VPS41: variants seen among roughly 807,000 people sequenced by gnomAD.
VPS41 encodes the protein vacuolar protein sorting-associated protein 41 homolog.
Under a neutral mutation model 130.9 loss-of-function variants are expected in VPS41, and 85 were observed. That is an observed-to-expected ratio of 0.65 (90% CI 0.55 to 0.78). The LOEUF (loss-of-function observed/expected upper bound fraction) is 0.78. VPS41 is among the 30% of genes least tolerant of loss of function. VPS41 has a pLI of 0.00. For synonymous variants in VPS41, 335 were observed against 332.9 expected, an observed-to-expected ratio of 1.01 and a Z score of -0.07; for missense variants, 874 against 1,018.7, an observed-to-expected ratio of 0.86 and a Z score of 1.93.
intron 27 of VPS41, among the ~76,000 whole-genome samples, chr7:38,727,559 T>G (rs961395090): frequency 6.6e-6 from 1 of 152,188 alleles, no homozygotes; most frequent in Non-Finnish European, 1.5e-5. Flanking sequence ...AGAGTGGGAA[T>G]GTATGTGGTT....
At chr7:38,810,491 ATC>A (rs1784923053) in intron 7 of VPS41, among the ~76,000 whole-genome samples, 1 of 152,202 alleles carries the variant, frequency 6.6e-6, no homozygotes, top group Admixed American at 6.5e-5. Context: ...ATTAATAGAC[ATC>A]TCTCTCAAAT....
At chr7:38,852,091 G>A (rs937356570) in intron 4 of VPS41, among the ~76,000 whole-genome samples, 2 of 152,154 alleles carry the variant, frequency 1.3e-5, no homozygotes, top group Non-Finnish European at 2.9e-5. Context: ...AAAGTTGTGC[G>A]TTTTCAGTTG....
At chr7:38,734,979 T>A (rs1406796338) in intron 25 of VPS41, among the ~76,000 whole-genome samples, 1 of 152,178 alleles carries the variant, frequency 6.6e-6, no homozygotes, top group African/African-American at 2.4e-5. Flanking sequence ...AATGATGAAC[T>A]GCAGAGAAAT....
intron 12 of VPS41, 40 bp from the exon 13 acceptor site, chr7:38,772,677 C>G: frequency 1.4e-6 from 2 of 1,439,400 alleles, no homozygotes; most frequent in African/African-American, 1.4e-5. Context: ...GGTGACTGAA[C>G]AGCAGAAAAC....
chr7:38,836,269 T>C (rs1376425417), intron 4 of VPS41, among the ~76,000 whole-genome samples: 1 of 152,054 alleles, frequency 6.6e-6, no homozygotes, highest in Non-Finnish European at 1.5e-5. Flanking sequence ...TTTAAATTAT[T>C]ATAAATTATA....
intron 7 of VPS41, among the ~76,000 whole-genome samples, chr7:38,799,794 G>C (rs1784690425): frequency 6.6e-6 from 1 of 152,068 alleles, no homozygotes; most frequent in Admixed American, 6.5e-5. Flanking sequence ...CAGACAGATA[G>C]TAAAACATTT....
At chr7:38,875,597 G>A (rs548988317) in intron 2 of VPS41, among the ~76,000 whole-genome samples, 7 of 152,244 alleles carry the variant, frequency 4.6e-5, no homozygotes, top group East Asian at 1.9e-4. Flanking sequence ...GTGTCAAAAC[G>A]TATCAAGAAA....
intron 2 of VPS41, among the ~76,000 whole-genome samples, chr7:38,889,559 CAA>C (rs200201294): frequency 0.12 from 14,947 of 120,100 alleles, 1,020 homozygotes; most frequent in Non-Finnish European, 0.18. Flanking sequence ...CAAAACAAAA[CAA>C]AAAAAAAAAA....
At chr7:38,791,543 G>T (rs1182138716) in intron 9 of VPS41, among the ~76,000 whole-genome samples, 3 of 152,136 alleles carry the variant, frequency 2.0e-5, no homozygotes, top group Non-Finnish European at 4.4e-5. Context: ...CAGAGCAGGG[G>T]CATCTCCTGC....
chr7:38,909,183 G>A lies in VPS41; in HGVS notation c.-9C>T, dbSNP rs1405706834. On this transcript the variant is annotated 5_prime_UTR_variant, in exon 1 of 29. Coordinates refer to ENST00000310301, the MANE Select transcript of VPS41 (RefSeq NM_014396.4). ...TCCTCTGCTTCCGCCATGGCGCCAC[G>A]GGAGAGTCACCTGACAGACCCGGAA... 6.2e-7 allele frequency: 1 copy of A among 1,614,058 alleles called. No individual in the cohort carries two copies.
chr7:38,825,283 T>C (rs1278453888), intron 5 of VPS41, among the ~76,000 whole-genome samples: 1 of 152,202 alleles, frequency 6.6e-6, no homozygotes, highest in African/African-American at 2.4e-5. Flanking sequence ...AAAAAACATA[T>C]AACTTCACGA....
At chr7:38,750,127 A>G (rs558920821) in intron 22 of VPS41, among the ~76,000 whole-genome samples, 1 of 152,190 alleles carries the variant, frequency 6.6e-6, no homozygotes, top group Non-Finnish European at 1.5e-5. Context: ...TCAGCTTCCC[A>G]AAGTGCTGGG....
chr7:38,795,767 C>A (rs879451133), intron 8 of VPS41, among the ~76,000 whole-genome samples, 156 bp from the exon 9 acceptor site: 3 of 152,302 alleles, frequency 2.0e-5, no homozygotes, highest in Admixed American at 6.5e-5. Context: ...TCCACACAAA[C>A]CCTGTGGGAA....
At chr7:38,778,227 CA>C in intron 10 of VPS41, among the ~76,000 whole-genome samples, 1 of 152,120 alleles carries the variant, frequency 6.6e-6, no homozygotes, top group Non-Finnish European at 1.5e-5. Flanking sequence ...GGGCTTGAAC[CA>C]AATGTGTTTA....
chr7:38,817,134 T>C (rs1344177399), intron 7 of VPS41, among the ~76,000 whole-genome samples: 1 of 151,456 alleles, frequency 6.6e-6, no homozygotes, highest in Non-Finnish European at 1.5e-5. Flanking sequence ...TAAAAGTTTA[T>C]CAAGGCCCGC....
chr7:38,835,380 A>C (rs1785472300), intron 4 of VPS41, among the ~76,000 whole-genome samples: 1 of 152,004 alleles, frequency 6.6e-6, no homozygotes, highest in African/African-American at 2.4e-5. Context: ...ATATAATAAA[A>C]TGCTTTTGAT....
At chr7:38,875,804 T>A (rs1786480324) in intron 2 of VPS41, among the ~76,000 whole-genome samples, 1 of 152,174 alleles carries the variant, frequency 6.6e-6, no homozygotes, top group Admixed American at 6.5e-5. Context: ...CATTCTTATA[T>A]GAATGCAAAA....
At chr7:38,900,439 A>T (rs1787116619) in intron 1 of VPS41, among the ~76,000 whole-genome samples, 2 of 152,106 alleles carry the variant, frequency 1.3e-5, no homozygotes, top group Admixed American at 1.3e-4. Flanking sequence ...TAATGGATAC[A>T]ATATATATTA....
At chr7:38,727,574 T>A (rs1382009576) in intron 27 of VPS41, among the ~76,000 whole-genome samples, 1 of 152,206 alleles carries the variant, frequency 6.6e-6, no homozygotes, top group Non-Finnish European at 1.5e-5. Flanking sequence ...GTGGTTCCTT[T>A]TTGCTGCAAC....
Sources: allele counts gnomAD v4.1 joint callset (sites outside exome capture counted in the v4.1 genomes callset), GRCh38; gene constraint gnomAD v4.1.1; transcripts MANE v1.5; gene names NCBI Gene and HGNC (gene_info 2026-07-23, HGNC 2026-07-21).